The following FGF14 variants were observed in gnomAD, a reference collection of about 807,000 sequenced individuals.
The protein encoded by FGF14 is fibroblast growth factor 14, also known as fibroblast growth factor homologous factor 4.
In FGF14, 5 loss-of-function variants were observed where a neutral mutation model predicts 25.5. The observed-to-expected ratio is 0.20, with a 90% CI of 0.10 to 0.41. The LOEUF is 0.41. FGF14 is among the 10% of genes least tolerant of loss of function. The pLI is 1.00. For synonymous variants in FGF14, 138 were observed against 118.3 expected (o/e 1.17, Z -1.08); for missense variants, 222 against 320.1 (o/e 0.69, Z 2.34).
intron 1 of FGF14, among the ~76,000 whole-genome samples, chr13:102,141,953 T>C (rs1196327272): frequency 1.3e-5 from 2 of 152,188 alleles, no homozygotes; most frequent in East Asian, 3.9e-4. Context: ...AACATACTCA[T>C]ACTTCACCGT....
chr13:101,775,020 T>C (rs2039014668), intron 3 of FGF14, among the ~76,000 whole-genome samples: 1 of 151,996 alleles, frequency 6.6e-6, no homozygotes, highest in Admixed American at 6.6e-5. Context: ...ACTTCTCTTT[T>C]TGCTTCCCTG....
intron 1 of FGF14, among the ~76,000 whole-genome samples, chr13:102,275,246 CTCTCTCTCTCTCTCTT>C (rs1385345674): frequency 0.028 from 2,893 of 105,132 alleles, 145 homozygotes; most frequent in African/African-American, 0.097. Context: ...CTCTCTCTCT[CTCTCTCTCTCTCTCTT>C]TCTCTCTCTC....
intron 1 of FGF14, among the ~76,000 whole-genome samples, chr13:101,999,217 T>C (rs1394025353): frequency 6.6e-6 from 1 of 152,218 alleles, no homozygotes; most frequent in Admixed American, 6.5e-5. Context: ...AAAGGTGATA[T>C]AGATTAATAA....
At chr13:102,173,753 T>C (rs2048334703) in intron 1 of FGF14, among the ~76,000 whole-genome samples, 1 of 152,120 alleles carries the variant, frequency 6.6e-6, no homozygotes, top group Non-Finnish European at 1.5e-5. Context: ...TTCACTTTGA[T>C]GAGTTATCTA....
intron 1 of FGF14, among the ~76,000 whole-genome samples, chr13:102,191,398 GT>G (rs1260544938): frequency 6.6e-6 from 1 of 152,176 alleles, no homozygotes; most frequent in African/African-American, 2.4e-5. Flanking sequence ...GCATGGTGAA[GT>G]TTTTGTAAAG....
chr13:101,875,096 A>G, intron 2 of FGF14, 90 bp downstream of exon 2: 1 of 891,426 alleles, frequency 1.1e-6, no homozygotes, highest in East Asian at 2.5e-5. Context: ...CAACACGACC[A>G]AACATTTGCA....
intron 1 of FGF14, among the ~76,000 whole-genome samples, chr13:102,365,630 G>A (rs911449876): frequency 6.6e-6 from 1 of 151,988 alleles, no homozygotes; most frequent in African/African-American, 2.4e-5. Flanking sequence ...TTCCTTCACG[G>A]AATCTCTCAT....
chr13:102,018,577 C>G (rs1391358496), intron 1 of FGF14, among the ~76,000 whole-genome samples: 1 of 152,224 alleles, frequency 6.6e-6, no homozygotes, highest in Non-Finnish European at 1.5e-5. Context: ...TCCTCCTTCT[C>G]TAGCCCTGAG....
At position 101,962,630 on chromosome 13, in the gene FGF14, T is replaced by C. The variant is rs140882118; in HGVS notation, c.209-87334A>G. On this transcript the variant is annotated intron_variant, in intron 1 of 4. Coordinates refer to the FGF14 transcript ENST00000376131. ...AAAATAAAGTTCATTTTCACTGAAA[T>C]TGTAAAATAAATTATACAGAACTCT... Among the ~76,000 whole-genome samples the C allele has an allele frequency of 1.1e-3, 168 of 152,324 alleles. 1 individual carries two copies. Among genetic ancestry groups the C allele is most frequent in the African/African-American group, 3.8e-3 (160 of 41,568 alleles).
chr13:102,075,094 GA>G (rs1342931619), intron 1 of FGF14, among the ~76,000 whole-genome samples: 2 of 152,206 alleles, frequency 1.3e-5, no homozygotes, highest in Admixed American at 6.5e-5. Context: ...GCAAGGGAAA[GA>G]AATAAAAGGC....
At chr13:102,161,639 A>G (rs867572017) in intron 1 of FGF14, among the ~76,000 whole-genome samples, 567 of 9,954 alleles carry the variant, frequency 0.057, 14 homozygotes, top group Non-Finnish European at 0.075. Flanking sequence ...AAGAAGAAGA[A>G]GAAGAAGAAG....
chr13:102,315,113 T>C (rs1403314551), intron 1 of FGF14, among the ~76,000 whole-genome samples: 1 of 151,980 alleles, frequency 6.6e-6, no homozygotes, highest in African/African-American at 2.4e-5. Context: ...TGTGGTAATG[T>C]GGTAATATAT....
intron 2 of FGF14, among the ~76,000 whole-genome samples, chr13:101,869,240 A>C (rs990491389): frequency 2.0e-5 from 3 of 152,192 alleles, no homozygotes; most frequent in Admixed American, 6.5e-5. Flanking sequence ...TTGTCATTGC[A>C]ATGAGGTCAG....
intron 1 of FGF14, among the ~76,000 whole-genome samples, chr13:102,216,570 C>T (rs1182630092): frequency 6.6e-6 from 1 of 152,062 alleles, no homozygotes; most frequent in Non-Finnish European, 1.5e-5. Context: ...ATGTGGGGTA[C>T]AACATGATGT....
intron 3 of FGF14, among the ~76,000 whole-genome samples, chr13:101,773,123 C>G (rs373019203): frequency 1.2e-4 from 18 of 152,176 alleles, no homozygotes; most frequent in Admixed American, 4.6e-4. Context: ...GAGGTGATGC[C>G]TATCAGTAAA....
intron 1 of FGF14, among the ~76,000 whole-genome samples, chr13:102,135,858 G>C (rs1566731230): frequency 1.3e-5 from 2 of 151,818 alleles, no homozygotes; most frequent in Admixed American, 1.3e-4. Context: ...GTTTCGCCAT[G>C]TTGGCCAGGA....
chr13:102,161,570 A>AAGAAGAAGAAGAAG lies in FGF14; in HGVS notation c.208+239900_208+239901insCTTCTTCTTCTTCT. Among the ~76,000 whole-genome samples, 12 of 5,656 alleles carry AAGAAGAAGAAGAAG rather than the reference A, an allele frequency of 2.1e-3. 3 individuals are homozygous for AAGAAGAAGAAGAAG. The highest frequency in any genetic ancestry group is 0.083 in the East Asian group (1 of 12). 3.7% of individuals were successfully genotyped at this position (5,656 alleles called of 152,430 possible). On this transcript the variant is annotated intron_variant, in intron 1 of 4. Transcript: ENST00000376131. Reference sequence around the variant, plus strand: ...TCTATGCAACCAACTTTCTGTGAAGAAAGAAAGAAGAAGAAGAAGAAGAAG... The same window carrying AAGAAGAAGAAGAAG: ...TCTATGCAACCAACTTTCTGTGAAGAAGAAGAAGAAGAAGAAGAAAGAAGAAGAAGAAGAAGAAG...
intron 3 of FGF14, among the ~76,000 whole-genome samples, chr13:101,802,843 A>G (rs1039287593): frequency 3.3e-5 from 5 of 152,180 alleles, no homozygotes; most frequent in Non-Finnish European, 5.9e-5. Context: ...TCAGGTGTAC[A>G]TACATATCTT....
intron 1 of FGF14, among the ~76,000 whole-genome samples, chr13:102,265,505 A>G (rs1244836237): frequency 6.6e-6 from 1 of 152,210 alleles, no homozygotes; most frequent in Non-Finnish European, 1.5e-5. Context: ...GTTTTCTTCC[A>G]TATGGAAAAA....
Sources: allele counts gnomAD v4.1 joint callset (sites outside exome capture counted in the v4.1 genomes callset), GRCh38; gene constraint gnomAD v4.1.1; transcripts MANE v1.5; gene names NCBI Gene and HGNC (gene_info 2026-07-23, HGNC 2026-07-21).